The following TNK2 variants were observed in gnomAD, a reference collection of about 807,000 sequenced individuals.
TNK2 encodes the protein tyrosine kinase non receptor 2.
Under a neutral mutation model 101.8 loss-of-function variants are expected in TNK2, and 83 were observed. The observed-to-expected ratio is 0.82, with a 90% confidence interval of 0.68 to 0.98. The LOEUF (loss-of-function observed/expected upper bound fraction) is 0.98, where lower values mean the gene tolerates loss of function less well. Ranked by LOEUF, TNK2 falls within the 50% of genes least tolerant of loss-of-function variation. The pLI is 0.00. For synonymous variants in TNK2, 804 were observed against 633.0 expected (o/e 1.27, Z -4.06); for missense variants, 1,665 against 1,483.2 (o/e 1.12, Z -2.01).
At chr3:195,899,227 C>T (rs1340101020) in intron 1 of TNK2, among the ~76,000 whole-genome samples, 1 of 152,222 alleles carries the variant, frequency 6.6e-6, no homozygotes, top group Admixed American at 6.5e-5. Context: ...CTGTAAATTC[C>T]CATTTCCTAG....
intron 1 of TNK2, among the ~76,000 whole-genome samples, chr3:195,897,350 G>A (rs776687402): frequency 1.3e-5 from 2 of 152,202 alleles, no homozygotes; most frequent in Admixed American, 6.5e-5. Context: ...TCAGACACAC[G>A]CCATGACTGT....
chr3:195,876,763 G>A (rs11185487), intron 9 of TNK2: 201,856 of 396,740 alleles, frequency 0.51, 52,516 homozygotes, highest in East Asian at 0.62. Flanking sequence ...AGGGCGGGGC[G>A]GGGCACACCC....
Position 195,870,144 on chromosome 3 carries a change from G to C in TNK2, c.1513C>G (p.Arg505Gly), listed in dbSNP as rs567934916. ...DLLSVELSTSRPPQHLGGVKR... is the reference protein window; with the variant it reads ...DLLSVELSTSGPPQHLGGVKR... The stretch of plus-strand genomic sequence containing the variant: ...ACCCCTCCTAGATGCTGGGGGGGCC[G>C]GGAGGTGCTCAGTTCCACGCTCAGG... The change falls in exon 11 of 16, where the codon CGG (arginine) becomes GGG (glycine). Residue 505 changes from arginine to glycine, a missense_variant. Arg to Gly is a moderately radical substitution (Grantham distance 125, BLOSUM62 -2). Transcript: ENST00000672887. 6.7e-7 allele frequency: 1 copy of C among 1,481,990 alleles called. No individual in the cohort carries two copies. 91.8% of individuals were successfully genotyped at this position (1,481,990 alleles called of 1,614,324 possible).
At position 195,882,269 on chromosome 3, in the gene TNK2, G is replaced by A. The variant is rs771874376; in HGVS notation, c.669C>T (p.His223=). 3.1e-6 allele frequency: 5 copies of A among 1,613,528 alleles called. No homozygotes were observed. The East Asian group carries it at 8.9e-5, about 29-fold the overall frequency. Residue 223 remains histidine (H), a synonymous_variant, in exon 6 of 16, where the codon CAC becomes CAT. Transcript: ENST00000672887. The surrounding 1 kb of genome is among the most constrained non-coding windows in gnomAD (Gnocchi z 4.2). ...LLDRLRKHQG[H]FLLGTLSRYA... ...AGCGGCTCAGAGTCCCCAGGAGGAA[G>A]TGGCCCTGGTGCTTACGTAGCCGGT... is the stretch of plus-strand genomic sequence containing the variant.
chr3:195,869,884 G>T, intron 11 of TNK2: 1 of 556,410 alleles, frequency 1.8e-6, no homozygotes, highest in Non-Finnish European at 3.2e-6. Flanking sequence ...GGGACGCCGG[G>T]GCGGACGGGC....
chr3:195,882,310 G>A lies in TNK2; in HGVS notation c.628C>T (p.Leu210=). ...PMKMVTELAP[L]GSLLDRLRKH... ...CGTAGCCGGTCCAACAACGATCCCA[G>A]AGGTGCCAGCTCTGTCACCTGAGGC... The change falls in exon 6 of 16, where the codon CTG becomes TTG. Residue 210 remains leucine (L), a synonymous_variant. Coordinates refer to ENST00000672887, the MANE Select transcript of TNK2 (RefSeq NM_001382273.1). This position sits in a 1 kb window ranked among gnomAD's most constrained non-coding sequence, Gnocchi z 4.2. 3 of 1,612,200 alleles carry A rather than the reference G, an allele frequency of 1.9e-6. No homozygotes were observed. The highest frequency in any genetic ancestry group is 1.1e-5 in the South Asian group (1 of 91,072).
chr3:195,868,883 A>C, intron 12 of TNK2, 174 bp from the exon 13 acceptor site: 3 of 695,094 alleles, frequency 4.3e-6, no homozygotes, highest in Non-Finnish European at 4.5e-6. Context: ...ACCTCCGACC[A>C]CTCCATCAGG....
chr3:195,895,249 C>A lies in TNK2; in HGVS notation c.-18-6643G>T, dbSNP rs138081236. ...ATCCCCTAGCCTTCCCCATTACCTG[C>A]GGTCCCTCCTCGCCCCCAGCCAGGC... On this transcript the variant is annotated intron_variant, in intron 1 of 15. Coordinates refer to ENST00000672887, the MANE Select transcript of TNK2 (RefSeq NM_001382273.1). 6 of 1,542,820 alleles carry A rather than the reference C, an allele frequency of 3.9e-6. No homozygotes were observed. In the African/African-American group the frequency reaches 4.3e-5, roughly 11 times the overall value.
Position 195,868,992 on chromosome 3 carries a change from C to A in TNK2, c.1589-283G>T, listed in dbSNP as rs2149249237. On this transcript the variant is annotated intron_variant, in intron 12 of 15. Transcript: ENST00000672887. ...AAGCAACACTGGCTCCTGCCTGACG[C>A]TGCCTCCACCAGCACAAGACCCCGG... The A allele has an allele frequency of 6.0e-6, 3 of 501,870 alleles. No individual in the cohort carries two copies. In the Admixed American group the frequency reaches 1.1e-4, roughly 19 times the overall value. 31.1% of individuals were successfully genotyped at this position (501,870 alleles called of 1,614,324 possible). A position where few individuals can be genotyped will look rare whatever the true frequency, so the allele number is the denominator to read the frequency against.
At position 195,885,443 on chromosome 3, in the gene TNK2, C is replaced by T; in HGVS notation, c.235-410G>A. The T allele has an allele frequency of 7.6e-7, 1 of 1,321,682 alleles. No individual in the cohort carries two copies. Among genetic ancestry groups the T allele is most frequent in the South Asian group, 1.2e-5 (1 of 81,262 alleles). The allele number at this position is 1,321,682 out of a possible 1,614,324, so 81.9% of individuals were successfully genotyped here. On this transcript the variant is annotated intron_variant, in intron 3 of 15. Coordinates refer to ENST00000672887, the MANE Select transcript of TNK2 (RefSeq NM_001382273.1). This position sits in a 1 kb window ranked among gnomAD's most constrained non-coding sequence, Gnocchi z 4.7. ...TCGATGGAGCCGCAGGGGCCCTCCA[C>T]AGACACCTCCTTGTCCATTTTTAGC...
rs191051661 is a variant in TNK2, at chr3:195,906,255, A to C, written c.-19+2230T>G. Reference sequence around the variant, plus strand: ...ATAAAATGTACAACCACTTTGGAAAACAGTCTGGCAGTTTCTTAAAGGTTA... The same window carrying C: ...ATAAAATGTACAACCACTTTGGAAACCAGTCTGGCAGTTTCTTAAAGGTTA... On this transcript the variant is annotated intron_variant, in intron 1 of 15. Transcript: ENST00000672887. 3.3e-4 allele frequency among the ~76,000 whole-genome samples: 50 copies of C among 152,312 alleles called. 1 individual carries two copies. The East Asian group carries it at 6.4e-3, about 19-fold the overall frequency.
At chr3:195,869,123 T>C (rs1022764481) in intron 12 of TNK2, 17 of 485,632 alleles carry the variant, frequency 3.5e-5, no homozygotes, top group South Asian at 3.5e-4. Flanking sequence ...TCAGGGGCTA[T>C]AAGGACTATC....
intron 14 of TNK2, 54 bp from the exon 15 acceptor site, chr3:195,867,070 G>A: frequency 1.2e-6 from 2 of 1,608,384 alleles, no homozygotes; most frequent in Non-Finnish European, 1.7e-6. Flanking sequence ...CGACTAGGGT[G>A]GGGAAGAGGG....
Position 195,883,041 on chromosome 3 carries a change from G to A in TNK2, c.609+116C>T, listed in dbSNP as rs188086250. Reference sequence around the variant, plus strand: ...TGGACCCCTTTACTCCATCAGGTTGGGGGACCAAAGTAGGATCTAGGGCGC... The same window carrying A: ...TGGACCCCTTTACTCCATCAGGTTGAGGGACCAAAGTAGGATCTAGGGCGC... On this transcript the variant is annotated intron_variant, in intron 5 of 15. Coordinates refer to ENST00000672887, the MANE Select transcript of TNK2 (RefSeq NM_001382273.1). 1.8e-4 allele frequency: 241 copies of A among 1,319,992 alleles called. 2 individuals carry two copies. The East Asian group carries it at 5.7e-3, about 31-fold the overall frequency. The allele number at this position is 1,319,992 out of a possible 1,614,324, so 81.8% of individuals were successfully genotyped here.
intron 9 of TNK2, chr3:195,876,663 C>T (rs1749485834): frequency 2.2e-6 from 1 of 455,262 alleles, no homozygotes; most frequent in Admixed American, 2.4e-5. Flanking sequence ...CAAGCCAGGG[C>T]TGGTGGCCCA....
Position 195,882,202 on chromosome 3 carries a change from T to C in TNK2, c.736A>G (p.Lys246Glu). Residue 246 changes from lysine (K) to glutamate (E), a missense_variant, in exon 6 of 16, where the codon AAG (lysine) becomes GAG (glutamate). By Grantham distance (56) the Lys-to-Glu change is moderately conservative. Coordinates refer to ENST00000672887, the MANE Select transcript of TNK2 (RefSeq NM_001382273.1). This position sits in a 1 kb window ranked among gnomAD's most constrained non-coding sequence, Gnocchi z 4.2. Reference sequence around the variant, plus strand: ...GCCAGGTCACGGTGAATAAAGCGCTTGGACTCCAGGTAGCCCATGCCCTCA... The same window carrying C: ...GCCAGGTCACGGTGAATAAAGCGCTCGGACTCCAGGTAGCCCATGCCCTCA... The part of the protein sequence containing the change: ...VAEGMGYLES[K>E]RFIHRDLAAR... 6.2e-7 allele frequency: 1 copy of C among 1,613,882 alleles called. No individual in the cohort carries two copies. The highest frequency in any genetic ancestry group is 8.5e-7 in the Non-Finnish European group (1 of 1,180,022).
intron 15 of TNK2, among the ~76,000 whole-genome samples, chr3:195,866,196 T>C (rs1483216150): frequency 6.6e-6 from 1 of 152,216 alleles, no homozygotes; most frequent in Non-Finnish European, 1.5e-5. Context: ...ATATATTTTC[T>C]TTTTAGAGAA....
At position 195,888,691 on chromosome 3, in the gene TNK2, C is replaced by T; in HGVS notation, c.-18-85G>A. ...GAGTGACCTGGGCTCACCTTCATCC[C>T]ACTACACGGCCACCCGGAAGGGCTC... is the stretch of plus-strand genomic sequence containing the variant. On this transcript the variant is annotated intron_variant, in intron 1 of 15. Coordinates refer to ENST00000672887, the MANE Select transcript of TNK2 (RefSeq NM_001382273.1). This position sits in a 1 kb window ranked among gnomAD's most constrained non-coding sequence, Gnocchi z 5.3. 4 of 1,305,602 alleles carry T rather than the reference C, an allele frequency of 3.1e-6. No homozygotes were observed. Among genetic ancestry groups the T allele is most frequent in the South Asian group, 1.4e-5 (1 of 69,514 alleles). 80.9% of individuals were successfully genotyped at this position (1,305,602 alleles called of 1,614,324 possible).
At chr3:195,901,086 A>G (rs1761157184) in intron 1 of TNK2, among the ~76,000 whole-genome samples, 1 of 152,242 alleles carries the variant, frequency 6.6e-6, no homozygotes, top group Non-Finnish European at 1.5e-5. Flanking sequence ...CATGTCACCT[A>G]GAGCAGGCCG....
Sources: allele counts gnomAD v4.1 joint callset (sites outside exome capture counted in the v4.1 genomes callset), GRCh38; gene constraint gnomAD v4.1.1; non-coding constraint Gnocchi (gnomAD v3.1); transcripts MANE v1.5; gene names NCBI Gene and HGNC (gene_info 2026-07-23, HGNC 2026-07-21).